Variants in ERCC6L2 observed in about 807,000 individuals in gnomAD.
The protein encoded by ERCC6L2 is DNA excision repair protein ERCC-6-like 2.
Under a neutral mutation model 132.0 loss-of-function variants are expected in ERCC6L2, and 77 were observed. That is an observed-to-expected ratio of 0.58 (90% CI 0.49 to 0.71). The LOEUF is 0.71. Ranked by LOEUF, ERCC6L2 falls within the 30% of genes least tolerant of loss-of-function variation. The pLI is 0.00. For missense variants in ERCC6L2, 1,542 were observed against 1,837.6 expected (o/e 0.84, Z 2.94); for synonymous variants, 583 against 632.4 (o/e 0.92, Z 1.17).
In ERCC6L2 at chr9:95,972,879, C is replaced by T. The variant is rs763833471; in HGVS notation, c.3128C>T (p.Ser1043Phe). 33 of 1,305,248 alleles carry T rather than the reference C, an allele frequency of 2.5e-5. No individual in the cohort carries two copies. In the South Asian group the frequency reaches 3.1e-4, roughly 12 times the overall value. The allele number at this position is 1,305,248 out of a possible 1,614,324, so 80.9% of individuals were successfully genotyped here. A position where few individuals can be genotyped will look rare whatever the true frequency, so the allele number is the denominator to read the frequency against. The change falls in exon 16 of 19, where the codon TCC becomes TTC. Residue 1043 changes from serine to phenylalanine, a missense_variant. Physicochemically the swap from Ser to Phe is radical, Grantham distance 155. Coordinates refer to ENST00000653738, the MANE Select transcript of ERCC6L2 (RefSeq NM_020207.7). ...HNSQFIDDYS[S>F]SDESLSVSHF... ...TCTCAGTTTATTGATGATTATTCATCCTCAGATGAGAGTTTATCCGTCAGC... is the reference window on the plus strand; with the variant it reads ...TCTCAGTTTATTGATGATTATTCATTCTCAGATGAGAGTTTATCCGTCAGC...
intron 17 of ERCC6L2, among the ~76,000 whole-genome samples, chr9:95,996,858 A>T (rs1271028470): frequency 6.6e-6 from 1 of 152,228 alleles, no homozygotes; most frequent in Non-Finnish European, 1.5e-5. Flanking sequence ...AAGGAAATGA[A>T]TGTTGTTTTC....
chr9:95,939,971 G>A (rs1438557525), intron 11 of ERCC6L2, among the ~76,000 whole-genome samples: 1 of 152,182 alleles, frequency 6.6e-6, no homozygotes. Context: ...GGGGTGGAAA[G>A]CTAGGTTCCG....
chr9:95,907,723 C>G (rs1829116407), intron 4 of ERCC6L2, among the ~76,000 whole-genome samples: 1 of 151,864 alleles, frequency 6.6e-6, no homozygotes, highest in Admixed American at 6.6e-5. Context: ...TCCTAAATCT[C>G]ATGTACAGCC....
chr9:96,010,554 G>A (rs1370067200), intron 18 of ERCC6L2, among the ~76,000 whole-genome samples: 1 of 152,070 alleles, frequency 6.6e-6, no homozygotes, highest in Non-Finnish European at 1.5e-5. Flanking sequence ...TGTGAACCAG[G>A]TCATCTTGGA....
chr9:95,876,210 T>C lies in ERCC6L2; in HGVS notation c.46+126T>C, dbSNP rs948064977. ...ATCCTCTTCAGTGACAGCTGCAGAT[T>C]GTGAACCCCTCCAGGCCTGGAACCA... is the stretch of plus-strand genomic sequence containing the variant. On this transcript the variant is annotated intron_variant, in intron 1 of 18. Coordinates refer to ENST00000653738, the MANE Select transcript of ERCC6L2 (RefSeq NM_020207.7). The C allele has an allele frequency of 1.1e-5, 9 of 829,452 alleles. No homozygotes were observed. The East Asian group carries it at 1.4e-4, about 13-fold the overall frequency. 51.4% of individuals were successfully genotyped at this position (829,452 alleles called of 1,614,324 possible).
At chr9:95,949,384 G>A in intron 12 of ERCC6L2, among the ~76,000 whole-genome samples, 1 of 152,114 alleles carries the variant, frequency 6.6e-6, no homozygotes, top group East Asian at 1.9e-4. Flanking sequence ...TAAACCCAGT[G>A]AGATCCACAC....
intron 2 of ERCC6L2, among the ~76,000 whole-genome samples, chr9:95,894,541 T>C (rs562658611): frequency 6.6e-6 from 1 of 151,620 alleles, no homozygotes; most frequent in African/African-American, 2.4e-5. Flanking sequence ...GGTTTCTGTC[T>C]ACTGAAATGT....
intron 13 of ERCC6L2, among the ~76,000 whole-genome samples, chr9:95,965,943 T>C (rs1044017194): frequency 1.3e-5 from 2 of 152,252 alleles, no homozygotes; most frequent in African/African-American, 2.4e-5. Flanking sequence ...ATTTTACATA[T>C]TTATATTACA....
chr9:95,963,669 T>A (rs1178121480), intron 13 of ERCC6L2, among the ~76,000 whole-genome samples: 1 of 152,128 alleles, frequency 6.6e-6, no homozygotes, highest in Admixed American at 6.6e-5. Context: ...TCAAGGTTCA[T>A]GGCTCCATTT....
intron 11 of ERCC6L2, among the ~76,000 whole-genome samples, chr9:95,932,127 C>G (rs1383485228): frequency 5.3e-5 from 8 of 150,620 alleles, no homozygotes; most frequent in African/African-American, 2.0e-4. Context: ...CTGTATGGTG[C>G]AATCTTGGCT....
At chr9:96,021,227 C>T (rs1834282822), downstream of ERCC6L2, 2 of 350,478 alleles carry the variant, frequency 5.7e-6, no homozygotes, top group South Asian at 4.2e-5. The surrounding 1 kb of genome is among the most constrained non-coding windows in gnomAD (Gnocchi z 4.7). Context: ...GGGCCCACAA[C>T]TCGAGCTGGG....
chr9:95,954,764 G>T (rs555847145), intron 12 of ERCC6L2: 46 of 471,106 alleles, frequency 9.8e-5, no homozygotes, highest in South Asian at 7.0e-4. Flanking sequence ...GGGATGCTGA[G>T]CCCCTCTCCT....
intron 17 of ERCC6L2, among the ~76,000 whole-genome samples, chr9:95,995,731 G>A (rs914832753): frequency 1.3e-4 from 20 of 152,014 alleles, no homozygotes; most frequent in Admixed American, 2.6e-4. Context: ...GAAGTTTTTC[G>A]TTATTATTAT....
rs994446811 is a variant in ERCC6L2 at position 95,913,484 on chromosome 9, CTCTT to C, written c.789-2172_789-2169del. 5.3e-5 allele frequency among the ~76,000 whole-genome samples: 8 copies of C among 152,028 alleles called. No individual in the cohort carries two copies. In the South Asian group the frequency reaches 1.2e-3, roughly 24 times the overall value. On this transcript the variant is annotated intron_variant, in intron 4 of 18. Transcript: ENST00000653738. ...CCGCTTGCTTGCTTTCTCTCTTTCT[CTCTT>C]TCTTTCTTTCTGAATATTGCTATGG... is the stretch of plus-strand genomic sequence containing the variant.
At chr9:95,969,806 T>TG (rs1832332087) in intron 14 of ERCC6L2, among the ~76,000 whole-genome samples, 1 of 152,206 alleles carries the variant, frequency 6.6e-6, no homozygotes. Context: ...ACCAGGTGGC[T>TG]GGAACCACGC....
chr9:95,967,641 A>G (rs1014687228), intron 14 of ERCC6L2: 2 of 152,106 alleles, frequency 1.3e-5, no homozygotes, highest in African/African-American at 4.8e-5. Context: ...TATTATTTGA[A>G]TCCTATAAAT....
intron 19 of ERCC6L2, among the ~76,000 whole-genome samples, chr9:96,030,789 C>T (rs890785000): frequency 1.3e-5 from 2 of 152,098 alleles, no homozygotes; most frequent in Non-Finnish European, 2.9e-5. Flanking sequence ...GAACAAACTC[C>T]GGACAAACCA....
chr9:95,954,742 G>A (rs1175806049), intron 12 of ERCC6L2: 1 of 470,840 alleles, frequency 2.1e-6, no homozygotes, highest in African/African-American at 2.0e-5. Context: ...CAAACACATT[G>A]TAGGAGAGAA....
intron 11 of ERCC6L2, among the ~76,000 whole-genome samples, chr9:95,933,069 ATTAC>A (rs1470814316): frequency 1.3e-5 from 2 of 152,136 alleles, no homozygotes; most frequent in Non-Finnish European, 2.9e-5. Context: ...GACTGAAGTT[ATTAC>A]TTCAGAATCT....
Sources: gnomAD v4.1 joint callset for allele counts (sites outside exome capture counted in the v4.1 genomes callset) on GRCh38, gnomAD v4.1.1 for gene constraint, Gnocchi (gnomAD v3.1) non-coding constraint, MANE v1.5 for transcripts, NCBI Gene and HGNC (gene_info 2026-07-23, HGNC 2026-07-21) for gene names.